Variants in MAGI1 observed in about 807,000 individuals in gnomAD.
The protein encoded by MAGI1 is membrane-associated guanylate kinase, WW and PDZ domain-containing protein 1.
In MAGI1, 58 loss-of-function variants were observed where a neutral mutation model predicts 139.9. The observed-to-expected ratio is 0.41, with a 90% confidence interval of 0.34 to 0.52. MAGI1 has a LOEUF of 0.52. MAGI1 is among the 20% of genes least tolerant of loss of function. The pLI is 0.12. For missense variants in MAGI1, 1,874 were observed against 1,901.6 expected, an observed-to-expected ratio of 0.99 and a Z score of 0.27; for synonymous variants, 812 against 737.9, an observed-to-expected ratio of 1.10 and a Z score of -1.63.
At chr3:65,709,751 G>A (rs56294610) in intron 1 of MAGI1, among the ~76,000 whole-genome samples, 1,743 of 152,274 alleles carry the variant, frequency 0.011, 33 homozygotes, top group African/African-American at 0.04. Flanking sequence ...ACGTTTTCAC[G>A]TTGCATTTGA....
At position 65,439,875 on chromosome 3, in the gene MAGI1, C is replaced by A; in HGVS notation, c.1270+4G>T. Reference sequence around the variant, plus strand: ...AAGAAAAAGCCTAGAGGAAAGAGGCCAACCTTCTGTCTGCTGCTGCTGCTG... The same window carrying A: ...AAGAAAAAGCCTAGAGGAAAGAGGCAAACCTTCTGTCTGCTGCTGCTGCTG... On this transcript the variant is annotated splice_donor_region_variant and intron_variant, in intron 9 of 22. Transcript: ENST00000402939. 6.2e-7 allele frequency: 1 copy of A among 1,609,452 alleles called. No individual in the cohort carries two copies.
chr3:65,576,817 C>G (rs2081199293), intron 2 of MAGI1, among the ~76,000 whole-genome samples: 1 of 152,140 alleles, frequency 6.6e-6, no homozygotes. Flanking sequence ...CAGGATTATT[C>G]TCTGAGCTTC....
chr3:65,884,255 A>G (rs2060445879), intron 1 of MAGI1, among the ~76,000 whole-genome samples: 3 of 151,832 alleles, frequency 2.0e-5, no homozygotes, highest in Non-Finnish European at 1.5e-5. Flanking sequence ...CTTTTCTTAG[A>G]TACAACAAGG....
intron 1 of MAGI1, among the ~76,000 whole-genome samples, chr3:65,866,135 T>C (rs933264912): frequency 3.3e-4 from 50 of 151,382 alleles, no homozygotes; most frequent in African/African-American, 8.5e-4. Flanking sequence ...ATATAAAACA[T>C]GTAAATTATA....
intron 2 of MAGI1, among the ~76,000 whole-genome samples, chr3:65,577,973 G>C (rs2081248308): frequency 6.6e-6 from 1 of 152,150 alleles, no homozygotes; most frequent in Non-Finnish European, 1.5e-5. Flanking sequence ...CACACGACTT[G>C]TGTAACTTGA....
Position 65,808,329 on chromosome 3 carries a change from T to G in MAGI1, c.314-186241A>C, listed in dbSNP as rs115890611. On this transcript the variant is annotated intron_variant, in intron 1 of 22. Coordinates refer to ENST00000402939, the MANE Select transcript of MAGI1 (RefSeq NM_001033057.2). ...CACCCTTGTCAACATGGTGAAACCC[T>G]GTCTCTATTAAAAAATACAAAAAGG... is the stretch of plus-strand genomic sequence containing the variant. Among the ~76,000 whole-genome samples the G allele has an allele frequency of 6.2e-3, 943 of 152,048 alleles. 8 individuals are homozygous for G. The highest frequency in any genetic ancestry group is 0.021 in the African/African-American group (892 of 41,490).
chr3:65,713,952 A>G (rs2031860376), intron 1 of MAGI1, among the ~76,000 whole-genome samples: 1 of 152,212 alleles, frequency 6.6e-6, no homozygotes, highest in South Asian at 2.1e-4. Flanking sequence ...TAACATTATT[A>G]TAAGAACCAC....
intron 1 of MAGI1, among the ~76,000 whole-genome samples, chr3:65,856,272 C>T (rs2059376092): frequency 1.3e-5 from 2 of 151,930 alleles, no homozygotes; most frequent in African/African-American, 2.4e-5. Flanking sequence ...ATAGAAGACT[C>T]CAGAAGAGTA....
intron 10 of MAGI1, 84 bp downstream of exon 10, chr3:65,437,071 C>T (rs771266934): frequency 2.4e-4 from 194 of 812,314 alleles, no homozygotes; most frequent in Admixed American, 5.3e-4. Context: ...TTGGGAGTTA[C>T]GAGATTCCAC....
At chr3:65,450,009 C>T (rs910061896) in intron 6 of MAGI1, among the ~76,000 whole-genome samples, 5 of 152,048 alleles carry the variant, frequency 3.3e-5, no homozygotes, top group Non-Finnish European at 5.9e-5. Context: ...CTAGGATGCA[C>T]GTGACATACA....
chr3:65,527,914 A>C (rs2078464684), intron 2 of MAGI1, among the ~76,000 whole-genome samples: 1 of 151,922 alleles, frequency 6.6e-6, no homozygotes, highest in Non-Finnish European at 1.5e-5. Context: ...CTCAGGAAAA[A>C]AAAAAAAAAG....
chr3:65,579,417 A>G (rs2081318251), intron 2 of MAGI1, among the ~76,000 whole-genome samples: 1 of 152,180 alleles, frequency 6.6e-6, no homozygotes. Flanking sequence ...ATGCCCTATG[A>G]CTACCAGATA....
chr3:65,993,739 C>G (rs2066296618), intron 1 of MAGI1, among the ~76,000 whole-genome samples: 2 of 152,268 alleles, frequency 1.3e-5, no homozygotes, highest in African/African-American at 2.4e-5. Flanking sequence ...TAAGCATTAC[C>G]TGTAGCTAAT....
intron 1 of MAGI1, among the ~76,000 whole-genome samples, chr3:65,929,178 C>A (rs559715189): frequency 1.3e-5 from 2 of 151,868 alleles, no homozygotes; most frequent in East Asian, 3.9e-4. Context: ...AAGAAAAAAA[C>A]CTGTGACAAT....
intron 1 of MAGI1, among the ~76,000 whole-genome samples, chr3:65,847,847 G>A (rs539073574): frequency 1.4e-4 from 22 of 152,318 alleles, no homozygotes; most frequent in African/African-American, 2.6e-4. Flanking sequence ...TTTGTCTCAC[G>A]TCACAGAAAT....
At chr3:66,007,173 A>G (rs1376743859) in intron 1 of MAGI1, among the ~76,000 whole-genome samples, 1 of 152,062 alleles carries the variant, frequency 6.6e-6, no homozygotes, top group African/African-American at 2.4e-5. Flanking sequence ...AAGTCTATTA[A>G]GCTTGACTAC....
At chr3:65,628,556 T>C (rs1429719930) in intron 1 of MAGI1, among the ~76,000 whole-genome samples, 1 of 151,696 alleles carries the variant, frequency 6.6e-6, no homozygotes, top group Admixed American at 6.6e-5. Context: ...AAGCAGCCTT[T>C]GCCTGGCACA....
chr3:65,904,624 T>C (rs2061365548), intron 1 of MAGI1, among the ~76,000 whole-genome samples: 1 of 152,212 alleles, frequency 6.6e-6, no homozygotes, highest in Non-Finnish European at 1.5e-5. Flanking sequence ...CCTTTCTCCA[T>C]CAATCCTATC....
intron 12 of MAGI1, among the ~76,000 whole-genome samples, chr3:65,410,464 G>A (rs977107458): frequency 6.6e-6 from 1 of 152,188 alleles, no homozygotes; most frequent in African/African-American, 2.4e-5. Context: ...ACTATATGCT[G>A]TCATTCAAAG....
Sources: gnomAD v4.1 joint callset for allele counts (sites outside exome capture counted in the v4.1 genomes callset) on GRCh38, gnomAD v4.1.1 for gene constraint, MANE v1.5 for transcripts, NCBI Gene and HGNC (gene_info 2026-07-23, HGNC 2026-07-21) for gene names.